The following NR6A1 variants were observed in gnomAD, a reference collection of about 807,000 sequenced individuals.
NR6A1 encodes the protein nuclear receptor subfamily 6 group A member 1, also known as retinoic acid receptor-related testis-associated receptor.
NR6A1 carries 7 observed loss-of-function variants against 59.1 expected under a neutral mutation model. The ratio of observed to expected loss-of-function variants is 0.12; its 90% CI spans 0.07 to 0.22. NR6A1 has a LOEUF of 0.22. Ranked by LOEUF, NR6A1 falls within the 10% of genes least tolerant of loss-of-function variation. The probability of loss-of-function intolerance (pLI) is 1.00; values close to 1 mark genes in which losing one functional copy is unlikely to be tolerated. For synonymous variants in NR6A1, 243 were observed against 236.1 expected (o/e 1.03, Z -0.27); for missense variants, 468 against 611.6 (o/e 0.77, Z 2.48).
chr9:124,615,611 TAAGGG>T (rs1835867352), intron 2 of NR6A1, among the ~76,000 whole-genome samples: 1 of 151,702 alleles, frequency 6.6e-6, no homozygotes, highest in African/African-American at 2.4e-5. Context: ...TTGTGAAATA[TAAGGG>T]TTTTTGCCTT....
At chr9:124,690,538 A>G (rs1032890972) in intron 2 of NR6A1, among the ~76,000 whole-genome samples, 4 of 151,864 alleles carry the variant, frequency 2.6e-5, no homozygotes, top group East Asian at 1.9e-4. Context: ...ATGTCAGCCT[A>G]TAATTTTTTT....
chr9:124,526,281 T>C (rs1186966851), intron 8 of NR6A1, among the ~76,000 whole-genome samples: 1 of 144,606 alleles, frequency 6.9e-6, no homozygotes, highest in East Asian at 2.1e-4. Flanking sequence ...ATTGTGTGTA[T>C]GTGTGTATGT....
chr9:124,535,398 T>A (rs944741240), intron 7 of NR6A1, among the ~76,000 whole-genome samples: 23 of 151,924 alleles, frequency 1.5e-4, no homozygotes, highest in Admixed American at 7.9e-4. Flanking sequence ...GCCAACATGG[T>A]GAAACCTCGT....
chr9:124,647,724 C>CAAAAAAAAAAAA (rs35591437), intron 2 of NR6A1, among the ~76,000 whole-genome samples: 1 of 56,046 alleles, frequency 1.8e-5, no homozygotes, highest in Non-Finnish European at 4.5e-5. Context: ...GAGACCGTCT[C>CAAAAAAAAAAAA]AAAAAAAAAA....
At chr9:124,554,899 C>T (rs140969316) in intron 2 of NR6A1, among the ~76,000 whole-genome samples, 12 of 152,264 alleles carry the variant, frequency 7.9e-5, no homozygotes, top group Admixed American at 2.0e-4. Context: ...TGTAGGAGCA[C>T]GGTAAGGATT....
chr9:124,585,547 A>C (rs1335423361), intron 2 of NR6A1, among the ~76,000 whole-genome samples: 1 of 116,626 alleles, frequency 8.6e-6, no homozygotes, highest in Non-Finnish European at 1.7e-5. Context: ...CCATCTCAAA[A>C]AAAAAAAAAA....
At chr9:124,703,207 ATTTTTTT>A (rs80014383) in intron 2 of NR6A1, among the ~76,000 whole-genome samples, 7 of 104,570 alleles carry the variant, frequency 6.7e-5, no homozygotes, top group African/African-American at 1.2e-4. Context: ...ACACGGCCAC[ATTTTTTT>A]TTTTTTTTTT....
chr9:124,749,075 C>G (rs1433850739), intron 1 of NR6A1, among the ~76,000 whole-genome samples: 2 of 152,050 alleles, frequency 1.3e-5, no homozygotes, highest in East Asian at 3.9e-4. Context: ...CCAGCCTGAC[C>G]AACATGGAGA....
intron 1 of NR6A1, among the ~76,000 whole-genome samples, chr9:124,751,552 C>G (rs541347359): frequency 1.3e-5 from 2 of 152,058 alleles, no homozygotes; most frequent in Non-Finnish European, 2.9e-5. Flanking sequence ...AAAGTGTCAC[C>G]GAGCAAGAAT....
intron 2 of NR6A1, among the ~76,000 whole-genome samples, chr9:124,625,078 T>C (rs1176797880): frequency 6.6e-6 from 1 of 152,208 alleles, no homozygotes; most frequent in East Asian, 1.9e-4. Flanking sequence ...CTCATAACTA[T>C]TTCCAGAATT....
Position 124,734,970 on chromosome 9 carries a change from G to A in NR6A1, c.101-1621C>T, listed in dbSNP as rs575221068. ...AGCGATTCTCCTGCCTCAGTCTCCT[G>A]AGCAGCTGGGATTACAGGCACCTGC... On this transcript the variant is annotated intron_variant, in intron 1 of 9. Coordinates refer to ENST00000487099, the MANE Select transcript of NR6A1 (RefSeq NM_033334.4). 3.5e-3 allele frequency among the ~76,000 whole-genome samples: 528 copies of A among 152,244 alleles called. 3 individuals carry two copies. The highest frequency in any genetic ancestry group is 6.2e-3 in the Non-Finnish European group (419 of 68,010).
intron 2 of NR6A1, among the ~76,000 whole-genome samples, chr9:124,559,140 G>A (rs562533103): frequency 6.6e-6 from 1 of 152,198 alleles, no homozygotes; most frequent in East Asian, 1.9e-4. Flanking sequence ...GTAACTTCGA[G>A]ACATATTATT....
intron 2 of NR6A1, among the ~76,000 whole-genome samples, chr9:124,729,685 C>T (rs936436558): frequency 1.3e-5 from 2 of 152,242 alleles, no homozygotes; most frequent in African/African-American, 4.8e-5. Flanking sequence ...TCAAAAACCA[C>T]AGCCAATTTA....
intron 3 of NR6A1, among the ~76,000 whole-genome samples, chr9:124,549,827 A>G (rs1408556656): frequency 6.6e-6 from 1 of 152,212 alleles, no homozygotes; most frequent in Non-Finnish European, 1.5e-5. Context: ...TAACCTTGGT[A>G]CAATACTATT....
At chr9:124,705,193 T>G (rs957001841) in intron 2 of NR6A1, among the ~76,000 whole-genome samples, 1 of 152,230 alleles carries the variant, frequency 6.6e-6, no homozygotes, top group African/African-American at 2.4e-5. Flanking sequence ...AATAAATGAG[T>G]TCTGTCAAGT....
At chr9:124,687,291 A>ATTATTTATTTATTTACTTATTTAT (rs1554744782) in intron 2 of NR6A1, among the ~76,000 whole-genome samples, 1 of 142,090 alleles carries the variant, frequency 7.0e-6, no homozygotes, top group African/African-American at 2.7e-5. Flanking sequence ...CAGCTAATTA[A>ATTATTTATTTATTTACTTATTTAT]TTATTTATTT....
chr9:124,693,461 C>T (rs1397719176), intron 2 of NR6A1, among the ~76,000 whole-genome samples: 1 of 152,192 alleles, frequency 6.6e-6, no homozygotes, highest in African/African-American at 2.4e-5. Context: ...GCAAGCACTG[C>T]CTGTGTGGCG....
At chr9:124,695,406 GCT>G (rs376846369) in intron 2 of NR6A1, among the ~76,000 whole-genome samples, 67 of 152,188 alleles carry the variant, frequency 4.4e-4, no homozygotes, top group African/African-American at 1.5e-3. Context: ...AGACAGTCTT[GCT>G]CTGTTTCCCA....
At chr9:124,548,634 C>T (rs955288302) in intron 3 of NR6A1, among the ~76,000 whole-genome samples, 1 of 152,074 alleles carries the variant, frequency 6.6e-6, no homozygotes, top group Non-Finnish European at 1.5e-5. Flanking sequence ...TCATGCAGAC[C>T]TCTGTGTTGT....
Sources: allele counts gnomAD v4.1 joint callset (sites outside exome capture counted in the v4.1 genomes callset), GRCh38; gene constraint gnomAD v4.1.1; transcripts MANE v1.5; gene names NCBI Gene and HGNC (gene_info 2026-07-23, HGNC 2026-07-21).